Variants in CAMK4 observed in about 807,000 individuals in gnomAD.
CAMK4 encodes calcium/calmodulin-dependent protein kinase type IV.
CAMK4 carries 22 observed loss-of-function variants against 44.9 expected under a neutral mutation model. The observed-to-expected ratio is 0.49, with a 90% CI of 0.35 to 0.70. CAMK4 has a LOEUF of 0.70. CAMK4 is among the 30% of genes least tolerant of loss of function. The pLI is 0.01. For missense variants in CAMK4, 498 were observed against 586.8 expected, an observed-to-expected ratio of 0.85 and a Z score of 1.56; for synonymous variants, 218 against 215.4, an observed-to-expected ratio of 1.01 and a Z score of -0.11.
intron 2 of CAMK4, among the ~76,000 whole-genome samples, chr5:111,355,246 C>G (rs1219160638): frequency 6.6e-6 from 1 of 152,002 alleles, no homozygotes; most frequent in Non-Finnish European, 1.5e-5. Flanking sequence ...TTCATAGGGA[C>G]TATCAAACCA....
At chr5:111,399,434 T>TAATTATTTAA (rs900218121) in intron 5 of CAMK4, among the ~76,000 whole-genome samples, 1 of 152,240 alleles carries the variant, frequency 6.6e-6, no homozygotes, top group African/African-American at 2.4e-5. Flanking sequence ...TTTGCACTTA[T>TAATTATTTAA]AATTATTTAA....
intron 2 of CAMK4, among the ~76,000 whole-genome samples, chr5:111,373,251 G>A (rs554766458): frequency 1.1e-4 from 17 of 152,016 alleles, no homozygotes; most frequent in South Asian, 4.2e-4. Flanking sequence ...TTGCGTATAC[G>A]GGTGAAATAA....
chr5:111,351,416 T>C (rs1291019491), intron 2 of CAMK4, among the ~76,000 whole-genome samples: 1 of 151,860 alleles, frequency 6.6e-6, no homozygotes, highest in Non-Finnish European at 1.5e-5. Flanking sequence ...TTTCTTTTTT[T>C]TTTTTTGAGA....
chr5:111,333,855 G>A (rs1407613272), intron 1 of CAMK4, among the ~76,000 whole-genome samples: 3 of 151,508 alleles, frequency 2.0e-5, no homozygotes, highest in Non-Finnish European at 4.4e-5. Flanking sequence ...AGGGTTTGTA[G>A]GTCAGGAATG....
intron 1 of CAMK4, among the ~76,000 whole-genome samples, chr5:111,251,093 C>T (rs1749469507): frequency 6.6e-6 from 1 of 152,220 alleles, no homozygotes; most frequent in South Asian, 2.1e-4. Flanking sequence ...AAGTGGGAGA[C>T]ATTGCTGTAT....
rs906954346 is a variant in CAMK4, at chr5:111,485,358, A to G, written c.*892A>G. Reference sequence around the variant, plus strand: ...ATGAATTTATACAACTTTACAGATAAGAACATTTTAATGGATAAACTCTAT... The same window carrying G: ...ATGAATTTATACAACTTTACAGATAGGAACATTTTAATGGATAAACTCTAT... On this transcript the variant is annotated 3_prime_UTR_variant, in exon 11 of 11. Transcript: ENST00000282356. 11 of 152,240 alleles carry G rather than the reference A, an allele frequency of 7.2e-5. No individual in the cohort carries two copies. Among genetic ancestry groups the G allele is most frequent in the Admixed American group, 3.3e-4 (5 of 15,284 alleles). 9.4% of individuals were successfully genotyped at this position (152,240 alleles called of 1,614,324 possible).
At chr5:111,276,495 G>C (rs1750766773) in intron 1 of CAMK4, among the ~76,000 whole-genome samples, 1 of 152,318 alleles carries the variant, frequency 6.6e-6, no homozygotes, top group South Asian at 2.1e-4. Flanking sequence ...GGGAGGCTGA[G>C]TCCAGCAGGA....
At chr5:111,256,797 G>T (rs1419464677) in intron 1 of CAMK4, among the ~76,000 whole-genome samples, 2 of 152,092 alleles carry the variant, frequency 1.3e-5, no homozygotes, top group Non-Finnish European at 2.9e-5. Context: ...TAACTACCAT[G>T]GGCACACTTG....
rs905087041 is a variant in CAMK4 at position 111,224,730 on chromosome 5, C to G, written c.161+86C>G. 3.4e-5 allele frequency: 45 copies of G among 1,334,422 alleles called. No individual in the cohort carries two copies. The Admixed American group carries it at 1.0e-3, about 30-fold the overall frequency. 82.7% of individuals were successfully genotyped at this position (1,334,422 alleles called of 1,614,324 possible). ...AGCGACGGCTCGGAGGGTGCGGGAGCCTGCCTTCGTGCCCTTCGATTTCTC... is the reference window on the plus strand; with the variant it reads ...AGCGACGGCTCGGAGGGTGCGGGAGGCTGCCTTCGTGCCCTTCGATTTCTC... On this transcript the variant is annotated intron_variant, in intron 1 of 10. Coordinates refer to ENST00000282356, the MANE Select transcript of CAMK4 (RefSeq NM_001744.6). This position sits in a 1 kb window ranked among gnomAD's most constrained non-coding sequence, Gnocchi z 5.7.
chr5:111,404,282 C>T (rs1752337033), intron 5 of CAMK4, among the ~76,000 whole-genome samples: 1 of 152,156 alleles, frequency 6.6e-6, no homozygotes, highest in Non-Finnish European at 1.5e-5. Context: ...GCCCTAAATG[C>T]CAATAGGCAC....
chr5:111,489,365 T>A lies in CAMK4; in HGVS notation c.*4899T>A, dbSNP rs896237108. 2 of 152,200 alleles carry A rather than the reference T, an allele frequency of 1.3e-5. No individual in the cohort carries two copies. Among genetic ancestry groups the A allele is most frequent in the Non-Finnish European group, 2.9e-5 (2 of 68,038 alleles). The allele number at this position is 152,200 out of a possible 1,614,324, so 9.4% of individuals were successfully genotyped here. ...ATATATTAAGAGCAAATTTTGTCATTATTACTCCTTGTGGCTATTACCTGA... is the reference window on the plus strand; with the variant it reads ...ATATATTAAGAGCAAATTTTGTCATAATTACTCCTTGTGGCTATTACCTGA... On this transcript the variant is annotated 3_prime_UTR_variant, in exon 11 of 11. Transcript: ENST00000282356.
chr5:111,336,428 A>C (rs2112734828), intron 1 of CAMK4, among the ~76,000 whole-genome samples: 1 of 151,260 alleles, frequency 6.6e-6, no homozygotes, highest in East Asian at 2.0e-4. Flanking sequence ...GCTTTCTAAA[A>C]TTATATTTAC....
At position 111,482,952 on chromosome 5, in the gene CAMK4, A is replaced by AT; in HGVS notation, c.981+19dup. The AT allele has an allele frequency of 1.9e-6, 3 of 1,581,096 alleles. No homozygotes were observed. Among genetic ancestry groups the AT allele is most frequent in the Non-Finnish European group, 2.6e-6 (3 of 1,168,590 alleles). On this transcript the variant is annotated intron_variant, in intron 10 of 10. Transcript: ENST00000282356. This position sits in a 1 kb window ranked among gnomAD's most constrained non-coding sequence, Gnocchi z 4.9. Reference sequence around the variant, plus strand: ...GTAAGCTTAAGGTAAGATAGCATATATTTTGTTTTGTTTTGTTTTGTTTTC... The same window carrying AT: ...GTAAGCTTAAGGTAAGATAGCATATATTTTTGTTTTGTTTTGTTTTGTTTTC...
intron 5 of CAMK4, among the ~76,000 whole-genome samples, chr5:111,409,421 C>T (rs1752553690): frequency 6.6e-6 from 1 of 152,178 alleles, no homozygotes; most frequent in Non-Finnish European, 1.5e-5. Context: ...CACCATATAC[C>T]CCAGACTGCA....
At chr5:111,233,239 A>G (rs1032265907) in intron 1 of CAMK4, among the ~76,000 whole-genome samples, 1 of 152,240 alleles carries the variant, frequency 6.6e-6, no homozygotes, top group Non-Finnish European at 1.5e-5. Context: ...AACTTATTCA[A>G]GGAACTACCT....
intron 8 of CAMK4, among the ~76,000 whole-genome samples, chr5:111,475,510 A>G (rs1580803356): frequency 6.6e-6 from 1 of 152,240 alleles, no homozygotes; most frequent in South Asian, 2.1e-4. Context: ...AACCCTGAAG[A>G]TAGTTCTAAA....
intron 1 of CAMK4, among the ~76,000 whole-genome samples, chr5:111,228,562 A>G (rs1022746602): frequency 6.7e-6 from 1 of 149,392 alleles, no homozygotes; most frequent in African/African-American, 2.5e-5. Context: ...AACAGAAACA[A>G]TTTCATAAAA....
chr5:111,489,152 A>C lies in CAMK4; in HGVS notation c.*4686A>C, dbSNP rs2112515348. On this transcript the variant is annotated 3_prime_UTR_variant, in exon 11 of 11. Transcript: ENST00000282356. ...GTATTACAATATTCATAACCACATGATAAACAGAAATGTACCCAATAATTT... is the reference window on the plus strand; with the variant it reads ...GTATTACAATATTCATAACCACATGCTAAACAGAAATGTACCCAATAATTT... 1 of 152,322 alleles carries C rather than the reference A, an allele frequency of 6.6e-6. No individual in the cohort carries two copies. Among genetic ancestry groups the C allele is most frequent in the East Asian group, 1.9e-4 (1 of 5,182 alleles). The allele number at this position is 152,322 out of a possible 1,614,324, so 9.4% of individuals were successfully genotyped here. A position where few individuals can be genotyped will look rare whatever the true frequency, so the allele number is the denominator to read the frequency against.
chr5:111,240,319 A>C (rs1041500902), intron 1 of CAMK4, among the ~76,000 whole-genome samples: 1 of 148,430 alleles, frequency 6.7e-6, no homozygotes, highest in African/African-American at 2.4e-5. Flanking sequence ...AAAAAAAAAA[A>C]CCCATAAGTA....
Sources: gnomAD v4.1 joint callset for allele counts (sites outside exome capture counted in the v4.1 genomes callset) on GRCh38, gnomAD v4.1.1 for gene constraint, Gnocchi (gnomAD v3.1) non-coding constraint, MANE v1.5 for transcripts, NCBI Gene and HGNC (gene_info 2026-07-23, HGNC 2026-07-21) for gene names.